The following PPM1L variants were observed in gnomAD, a reference collection of about 807,000 sequenced individuals.
PPM1L encodes protein phosphatase 1L.
In PPM1L, 13 loss-of-function variants were observed where a neutral mutation model predicts 31.4. The observed-to-expected ratio is 0.41, with a 90% CI of 0.27 to 0.66. PPM1L has a LOEUF of 0.66. Among genes scored for constraint, PPM1L ranks in the 30% least tolerant of loss-of-function variants. The pLI is 0.29. For synonymous variants in PPM1L, 184 were observed against 175.4 expected (o/e 1.05, Z -0.39); for missense variants, 326 against 453.7 (o/e 0.72, Z 2.56).
chr3:160,957,597 A>C (rs1576742609), intron 1 of PPM1L, among the ~76,000 whole-genome samples: 2 of 64,260 alleles, frequency 3.1e-5, no homozygotes, highest in Non-Finnish European at 9.7e-5. Context: ...TTTTTTTTTG[A>C]GACGGAGTGT....
At chr3:160,835,633 C>G (rs1157350749) in intron 1 of PPM1L, among the ~76,000 whole-genome samples, 2 of 152,040 alleles carry the variant, frequency 1.3e-5, no homozygotes, top group Non-Finnish European at 2.9e-5. Flanking sequence ...TTGTCCACTC[C>G]TCTCTACCAC....
Position 160,885,881 on chromosome 3 carries a change from A to G in PPM1L, c.400-75855A>G, listed in dbSNP as rs1421352301. The stretch of plus-strand genomic sequence containing the variant: ...CCACAGCTGTGGCTGCCTGCTGTGT[A>G]AGCCATGTGAGCTCCTTGGGGGAGG... On this transcript the variant is annotated intron_variant, in intron 1 of 3. Transcript: ENST00000498165. Among the ~76,000 whole-genome samples the G allele has an allele frequency of 2.0e-5, 3 of 152,186 alleles. 1 individual carries two copies. Among genetic ancestry groups the G allele is most frequent in the African/African-American group, 7.2e-5 (3 of 41,448 alleles).
chr3:160,766,084 A>C (rs1042322342), intron 1 of PPM1L, among the ~76,000 whole-genome samples: 1 of 152,196 alleles, frequency 6.6e-6, no homozygotes, highest in Non-Finnish European at 1.5e-5. Flanking sequence ...CAAACAAAAG[A>C]AGCCATCCTT....
At chr3:161,000,399 A>G (rs1717445086) in intron 2 of PPM1L, among the ~76,000 whole-genome samples, 1 of 152,234 alleles carries the variant, frequency 6.6e-6, no homozygotes, top group Non-Finnish European at 1.5e-5. Flanking sequence ...TCCAGCAGAG[A>G]AGCATTCAGT....
intron 2 of PPM1L, among the ~76,000 whole-genome samples, chr3:160,984,641 C>T (rs1028704512): frequency 3.3e-5 from 5 of 152,134 alleles, no homozygotes; most frequent in African/African-American, 4.8e-5. Flanking sequence ...GTTCTTCTGC[C>T]GTGGCTTCAG....
intron 2 of PPM1L, among the ~76,000 whole-genome samples, chr3:160,970,783 T>A (rs1716304630): frequency 7.5e-6 from 1 of 133,320 alleles, no homozygotes; most frequent in South Asian, 2.3e-4. Flanking sequence ...TAATTTCAGT[T>A]ATAATTTTTT....
At chr3:161,047,469 C>T (rs953987053) in intron 2 of PPM1L, among the ~76,000 whole-genome samples, 11 of 152,222 alleles carry the variant, frequency 7.2e-5, no homozygotes, top group African/African-American at 2.7e-4. Flanking sequence ...ATTCCATGCT[C>T]ATGGGTAGGA....
At chr3:160,763,308 A>G (rs1221517154) in intron 1 of PPM1L, among the ~76,000 whole-genome samples, 3 of 152,294 alleles carry the variant, frequency 2.0e-5, no homozygotes, top group South Asian at 4.1e-4. Flanking sequence ...TTTTATTTGT[A>G]TCATGCCTCC....
intron 1 of PPM1L, among the ~76,000 whole-genome samples, chr3:160,782,422 C>T (rs190166132): frequency 3.9e-5 from 6 of 152,330 alleles, no homozygotes; most frequent in Admixed American, 3.3e-4. Context: ...TTATGAACAA[C>T]AGACAACTGA....
chr3:161,014,163 G>C (rs1040115327), intron 2 of PPM1L, among the ~76,000 whole-genome samples: 1 of 152,142 alleles, frequency 6.6e-6, no homozygotes, highest in African/African-American at 2.4e-5. Flanking sequence ...GCTGGTACTG[G>C]TTGTTCCTTT....
intron 1 of PPM1L, among the ~76,000 whole-genome samples, chr3:160,771,017 G>T (rs1715239855): frequency 6.6e-6 from 1 of 152,198 alleles, no homozygotes; most frequent in Non-Finnish European, 1.5e-5. Context: ...ACATGATTTT[G>T]CACATCTTAC....
At chr3:160,898,917 T>C (rs1713437670) in intron 1 of PPM1L, among the ~76,000 whole-genome samples, 1 of 152,228 alleles carries the variant, frequency 6.6e-6, no homozygotes, top group South Asian at 2.1e-4. Context: ...TATTGCCAAG[T>C]AGCTAGCAGA....
chr3:160,933,969 A>G (rs1349044168), intron 1 of PPM1L, among the ~76,000 whole-genome samples: 1 of 152,220 alleles, frequency 6.6e-6, no homozygotes, highest in Non-Finnish European at 1.5e-5. Flanking sequence ...ACCATATGTC[A>G]TTAATCCTAT....
At chr3:160,913,969 T>C (rs1013128569) in intron 1 of PPM1L, among the ~76,000 whole-genome samples, 1 of 152,238 alleles carries the variant, frequency 6.6e-6, no homozygotes, top group African/African-American at 2.4e-5. Context: ...CTAGATTGTA[T>C]GTTAAGTATA....
At chr3:160,850,065 C>T (rs1417725836) in intron 1 of PPM1L, among the ~76,000 whole-genome samples, 1 of 152,208 alleles carries the variant, frequency 6.6e-6, no homozygotes, top group African/African-American at 2.4e-5. Flanking sequence ...ATTTCAGACA[C>T]TGATCACAAG....
At chr3:160,764,869 T>G (rs28434120) in intron 1 of PPM1L, among the ~76,000 whole-genome samples, 2,505 of 152,302 alleles carry the variant, frequency 0.016, 62 homozygotes, top group African/African-American at 0.057. Context: ...CTTCCTTATT[T>G]GTATACACTT....
At chr3:161,045,729 AAC>A (rs763466519) in intron 2 of PPM1L, among the ~76,000 whole-genome samples, 10 of 152,178 alleles carry the variant, frequency 6.6e-5, no homozygotes, top group Non-Finnish European at 1.5e-4. Flanking sequence ...AGCAAGAGCA[AAC>A]ACATTCAAAA....
At chr3:161,039,316 A>G (rs912109264) in intron 2 of PPM1L, among the ~76,000 whole-genome samples, 5 of 152,142 alleles carry the variant, frequency 3.3e-5, no homozygotes, top group African/African-American at 4.8e-5. Flanking sequence ...CCTCTCACCA[A>G]TTAAGAATGA....
chr3:160,870,181 G>A (rs77262070), intron 1 of PPM1L, among the ~76,000 whole-genome samples: 1,894 of 152,154 alleles, frequency 0.012, 39 homozygotes, highest in African/African-American at 0.044. Flanking sequence ...AAGGTAGAAG[G>A]CTAGAATGCC....
Sources: allele counts gnomAD v4.1 joint callset (sites outside exome capture counted in the v4.1 genomes callset), GRCh38; gene constraint gnomAD v4.1.1; transcripts MANE v1.5; gene names NCBI Gene and HGNC (gene_info 2026-07-23, HGNC 2026-07-21).